The following PHLDB2 variants were observed in gnomAD, a reference collection of about 807,000 sequenced individuals.
PHLDB2 encodes pleckstrin homology like domain family B member 2, also known as pleckstrin homology-like domain family B member 2.
In PHLDB2, 71 loss-of-function variants were observed where a neutral mutation model predicts 123.6. The ratio of observed to expected loss-of-function variants is 0.57; its 90% CI spans 0.47 to 0.70. The LOEUF is 0.70. Among genes scored for constraint, PHLDB2 ranks in the 30% least tolerant of loss-of-function variants. PHLDB2 has a pLI of 0.00. For missense variants in PHLDB2, 1,446 were observed against 1,519.5 expected (o/e 0.95, Z 0.80); for synonymous variants, 547 against 541.6 (o/e 1.01, Z -0.14).
chr3:111,913,647 C>T lies in PHLDB2; in HGVS notation c.1664C>T (p.Ser555Phe). ...CTCACCCGGACTCCTCCACCACCAT[C>T]CTCCACCTTTCCGAAAGCTTCCAGC... ...SDLTRTPPPP[S>F]STFPKASSES... The change falls in exon 3 of 18, where the codon TCC becomes TTC. Residue 555 changes from serine to phenylalanine, a missense_variant. Ser to Phe is a radical substitution (Grantham distance 155). This residue lies in a region of PHLDB2 where 832 missense variants were observed against 831.9 expected (regional missense o/e 1.00). Transcript: ENST00000431670. 6.2e-7 allele frequency: 1 copy of T among 1,613,968 alleles called. No homozygotes were observed. Among genetic ancestry groups the T allele is most frequent in the Non-Finnish European group, 8.5e-7 (1 of 1,179,852 alleles).
At chr3:111,756,435 G>T (rs2059890724) in intron 1 of PHLDB2, among the ~76,000 whole-genome samples, 1 of 152,092 alleles carries the variant, frequency 6.6e-6, no homozygotes, top group Non-Finnish European at 1.5e-5. Context: ...GATCTTTGTT[G>T]GTTTAAAGTC....
At chr3:111,891,648 C>T (rs1295734331) in intron 2 of PHLDB2, among the ~76,000 whole-genome samples, 6 of 152,090 alleles carry the variant, frequency 3.9e-5, no homozygotes, top group Admixed American at 3.3e-4. Context: ...AACCATCCCT[C>T]CCCCATGTCC....
At chr3:111,755,616 T>A (rs1039232314) in intron 1 of PHLDB2, among the ~76,000 whole-genome samples, 8 of 147,214 alleles carry the variant, frequency 5.4e-5, no homozygotes, top group African/African-American at 2.1e-4. Flanking sequence ...CTGGATTCAT[T>A]AATTGTTTGA....
At chr3:111,919,637 C>T (rs913958465) in intron 4 of PHLDB2, among the ~76,000 whole-genome samples, 1 of 152,188 alleles carries the variant, frequency 6.6e-6, no homozygotes, top group African/African-American at 2.4e-5. Flanking sequence ...GATCAAAAAT[C>T]GATCCAGGTT....
Position 111,902,591 on chromosome 3 carries a change from G to A in PHLDB2, c.1336-10728G>A, listed in dbSNP as rs536009411. On this transcript the variant is annotated intron_variant, in intron 2 of 17. Coordinates refer to ENST00000431670, the MANE Select transcript of PHLDB2 (RefSeq NM_001134438.2). The stretch of plus-strand genomic sequence containing the variant: ...GCCAGAAATAGTAGTAGAGGCAAGT[G>A]GGTTTGAGGGAAATGTTGACACAGG... Among the ~76,000 whole-genome samples, 4 of 152,260 alleles carry A rather than the reference G, an allele frequency of 2.6e-5. No homozygotes were observed. In the East Asian group the frequency reaches 7.7e-4, roughly 29 times the overall value.
chr3:111,930,146 C>T (rs961973564), intron 5 of PHLDB2, among the ~76,000 whole-genome samples: 4 of 151,598 alleles, frequency 2.6e-5, no homozygotes, highest in East Asian at 2.0e-4. Flanking sequence ...TCTTCTGACC[C>T]GTGATCCGCC....
intron 2 of PHLDB2, among the ~76,000 whole-genome samples, chr3:111,895,677 G>A (rs1309523060): frequency 6.6e-6 from 1 of 151,914 alleles, no homozygotes; most frequent in Non-Finnish European, 1.5e-5. Context: ...GTGAAACCTC[G>A]TCTCTACTAA....
chr3:111,857,616 G>C (rs1435709080), upstream of PHLDB2, among the ~76,000 whole-genome samples: 1 of 152,166 alleles, frequency 6.6e-6, no homozygotes, highest in African/African-American at 2.4e-5. Context: ...ATTGATCAGT[G>C]TATGTATGCT....
intron 1 of PHLDB2, among the ~76,000 whole-genome samples, chr3:111,872,779 G>A (rs1293867596): frequency 1.3e-5 from 2 of 152,196 alleles, no homozygotes; most frequent in East Asian, 1.9e-4. Flanking sequence ...CATGGGGTCA[G>A]AAAAGTCACC....
At chr3:111,943,487 G>T (rs1277345491) in intron 8 of PHLDB2, among the ~76,000 whole-genome samples, 1 of 151,948 alleles carries the variant, frequency 6.6e-6, no homozygotes. Context: ...ATTTTTAAAA[G>T]AAATGACAAA....
At chr3:111,829,927 A>AACACACACACACACAC (rs72357648) in intron 1 of PHLDB2, among the ~76,000 whole-genome samples, 8 of 135,942 alleles carry the variant, frequency 5.9e-5, no homozygotes, top group African/African-American at 1.7e-4. Flanking sequence ...AACTATTCAA[A>AACACACACACACACAC]ACACACACAC....
At chr3:111,760,123 C>A (rs1335797597) in intron 1 of PHLDB2, among the ~76,000 whole-genome samples, 1 of 152,208 alleles carries the variant, frequency 6.6e-6, no homozygotes, top group Non-Finnish European at 1.5e-5. Context: ...ATACTTCTTG[C>A]CTTCATGTGC....
At chr3:111,886,509 T>A (rs2066174388) in intron 2 of PHLDB2, among the ~76,000 whole-genome samples, 1 of 152,138 alleles carries the variant, frequency 6.6e-6, no homozygotes, top group Non-Finnish European at 1.5e-5. Flanking sequence ...CCAAGACAAT[T>A]CTTCTCCAGT....
chr3:111,743,421 CT>C (rs1208985000), intron 1 of PHLDB2, among the ~76,000 whole-genome samples: 1 of 152,152 alleles, frequency 6.6e-6, no homozygotes, highest in East Asian at 1.9e-4. Context: ...CTAGGGACTT[CT>C]GCCTCGTGGA....
In PHLDB2 at chr3:111,932,219, TG is replaced by T. The variant is rs1479655594; in HGVS notation, c.2002-45del. 4.6e-6 allele frequency: 7 copies of T among 1,537,170 alleles called. No homozygotes were observed. The African/African-American group carries it at 9.7e-5, about 21-fold the overall frequency. ...TGAGAAATGTTCACTAGCACCTGCT[TG>T]GGGGTGTGAAGGTAATTTCTATTCT... On this transcript the variant is annotated intron_variant, in intron 5 of 17. Coordinates refer to ENST00000431670, the MANE Select transcript of PHLDB2 (RefSeq NM_001134438.2).
chr3:111,762,544 AG>A (rs1253534306), intron 1 of PHLDB2, among the ~76,000 whole-genome samples: 4 of 152,146 alleles, frequency 2.6e-5, no homozygotes, highest in Admixed American at 2.6e-4. Flanking sequence ...TTCTAATCAC[AG>A]GCCTCTAAGT....
intron 4 of PHLDB2, 145 bp downstream of exon 4, chr3:111,919,360 A>G: frequency 1.3e-6 from 1 of 773,412 alleles, no homozygotes; most frequent in Non-Finnish European, 2.1e-6. Context: ...GTATAGAGTG[A>G]AAATACCCTT....
chr3:111,789,799 C>T (rs947321207), intron 1 of PHLDB2, among the ~76,000 whole-genome samples: 20 of 152,088 alleles, frequency 1.3e-4, no homozygotes, highest in African/African-American at 4.6e-4. Context: ...CTATCATCAC[C>T]GGGGCTATGT....
intron 8 of PHLDB2, among the ~76,000 whole-genome samples, chr3:111,941,496 A>G (rs1228984930): frequency 1.3e-5 from 2 of 152,180 alleles, no homozygotes; most frequent in Non-Finnish European, 2.9e-5. Flanking sequence ...TTCCCTTCTT[A>G]GCTATTTTAG....
Sources: gnomAD v4.1 joint callset for allele counts (sites outside exome capture counted in the v4.1 genomes callset) on GRCh38, gnomAD v4.1.1 for gene constraint, gnomAD v4.1.1 regional missense constraint, MANE v1.5 for transcripts, NCBI Gene and HGNC (gene_info 2026-07-23, HGNC 2026-07-21) for gene names.